Variants in CNTN4 observed in about 807,000 individuals in gnomAD.
CNTN4 encodes the protein contactin 4.
Under a neutral mutation model 122.5 loss-of-function variants are expected in CNTN4, and 77 were observed. The observed-to-expected ratio is 0.63, with a 90% confidence interval of 0.52 to 0.76. The LOEUF (loss-of-function observed/expected upper bound fraction) is 0.76, where lower values mean the gene tolerates loss of function less well. Ranked by LOEUF, CNTN4 falls within the 30% of genes least tolerant of loss-of-function variation. CNTN4 has a pLI of 0.00. For synonymous variants in CNTN4, 512 were observed against 447.0 expected (o/e 1.15, Z -1.83); for missense variants, 1,256 against 1,259.1 (o/e 1.00, Z 0.04).
intron 7 of CNTN4, among the ~76,000 whole-genome samples, chr3:2,835,212 G>A (rs966381875): frequency 2.6e-5 from 4 of 151,824 alleles, no homozygotes; most frequent in Admixed American, 1.3e-4. Flanking sequence ...GCAGATAAAG[G>A]CAATTTTTAT....
At chr3:2,813,552 C>T (rs2092661891) in intron 6 of CNTN4, among the ~76,000 whole-genome samples, 1 of 152,042 alleles carries the variant, frequency 6.6e-6, no homozygotes, top group South Asian at 2.1e-4. Context: ...TTAACCTTTC[C>T]TGGCCATTTT....
At chr3:2,264,432 A>G (rs556065433) in intron 2 of CNTN4, among the ~76,000 whole-genome samples, 75 of 151,924 alleles carry the variant, frequency 4.9e-4, no homozygotes, top group Non-Finnish European at 8.8e-4. Flanking sequence ...AAAAATGTCT[A>G]TTTGGGTCCT....
chr3:2,816,019 T>G (rs556573863), intron 6 of CNTN4, among the ~76,000 whole-genome samples: 1 of 151,886 alleles, frequency 6.6e-6, no homozygotes, highest in South Asian at 2.1e-4. Context: ...ATGTTCTCAC[T>G]GATATGTGGG....
intron 3 of CNTN4, among the ~76,000 whole-genome samples, chr3:2,569,651 C>T (rs2149482204): frequency 6.6e-6 from 1 of 152,026 alleles, no homozygotes; most frequent in African/African-American, 2.4e-5. Context: ...AGGAGTTTTC[C>T]CTTGAAACAA....
chr3:2,286,028 A>T (rs748181970), intron 2 of CNTN4, among the ~76,000 whole-genome samples: 2 of 152,154 alleles, frequency 1.3e-5, no homozygotes, highest in Non-Finnish European at 2.9e-5. Flanking sequence ...TTCCCTTAAG[A>T]AAGTTGTATC....
chr3:2,407,364 GT>G (rs2047075973), intron 3 of CNTN4, among the ~76,000 whole-genome samples: 1 of 152,004 alleles, frequency 6.6e-6, no homozygotes, highest in African/African-American at 2.4e-5. Context: ...ATACTTCTAG[GT>G]TTTTAAAGGA....
intron 2 of CNTN4, among the ~76,000 whole-genome samples, chr3:2,338,295 A>G (rs12630683): frequency 0.34 from 51,541 of 151,854 alleles, 9,719 homozygotes; most frequent in East Asian, 0.8. Context: ...ATTCAGCCAG[A>G]GAAGGCATAC....
intron 14 of CNTN4, among the ~76,000 whole-genome samples, chr3:3,024,570 C>T (rs1326663920): frequency 6.6e-6 from 1 of 151,996 alleles, no homozygotes; most frequent in Non-Finnish European, 1.5e-5. Flanking sequence ...GGACATCACT[C>T]ATTTAACAGT....
chr3:2,677,129 T>TTAGATAGATAGATAGATAGA (rs71621501), intron 4 of CNTN4, among the ~76,000 whole-genome samples: 69 of 143,202 alleles, frequency 4.8e-4, no homozygotes, highest in South Asian at 1.1e-3. Flanking sequence ...GATCACTCTT[T>TTAGATAGATAGATAGATAGA]TAGATAGATA....
chr3:2,624,627 C>CTTTTTTTTT (rs1175851279), intron 4 of CNTN4, among the ~76,000 whole-genome samples: 2 of 89,940 alleles, frequency 2.2e-5, no homozygotes, highest in Admixed American at 1.4e-4. Context: ...ATTTCTGATT[C>CTTTTTTTTT]TTTTTTTTTT....
intron 4 of CNTN4, among the ~76,000 whole-genome samples, chr3:2,693,854 C>T (rs2085872084): frequency 6.6e-6 from 1 of 152,158 alleles, no homozygotes; most frequent in Admixed American, 6.6e-5. Flanking sequence ...TTTCCACTGC[C>T]TTCCACCTTC....
At chr3:2,138,024 C>G (rs868013998) in intron 2 of CNTN4, among the ~76,000 whole-genome samples, 1 of 151,568 alleles carries the variant, frequency 6.6e-6, no homozygotes, top group East Asian at 1.9e-4. Flanking sequence ...GCTCTTTCAG[C>G]TTCTAGCTGG....
intron 14 of CNTN4, among the ~76,000 whole-genome samples, chr3:2,990,073 A>C (rs1184612297): frequency 3.3e-5 from 5 of 152,216 alleles, no homozygotes; most frequent in Admixed American, 1.3e-4. Context: ...TAGCAGTGCC[A>C]GTCTCATGGA....
chr3:3,012,512 T>C (rs139960370), intron 14 of CNTN4, among the ~76,000 whole-genome samples: 1,550 of 152,002 alleles, frequency 0.01, 26 homozygotes, highest in African/African-American at 0.035. Flanking sequence ...TGCAATGGCG[T>C]GATCTCGGCT....
chr3:2,959,900 A>T (rs1216164520), intron 13 of CNTN4, among the ~76,000 whole-genome samples: 1 of 152,228 alleles, frequency 6.6e-6, no homozygotes, highest in African/African-American at 2.4e-5. Context: ...AACTTCAATG[A>T]AAACATTTCA....
intron 4 of CNTN4, among the ~76,000 whole-genome samples, chr3:2,716,307 CATT>C (rs373702816): frequency 2.2e-3 from 337 of 151,360 alleles, no homozygotes; most frequent in African/African-American, 7.4e-3. Flanking sequence ...TATCATATAT[CATT>C]ATTGTATATT....
intron 2 of CNTN4, among the ~76,000 whole-genome samples, chr3:2,207,863 C>T (rs1205345472): frequency 1.3e-5 from 2 of 152,086 alleles, no homozygotes; most frequent in Non-Finnish European, 2.9e-5. Context: ...GACAGGCTGA[C>T]TCTCTTGTTA....
At chr3:2,151,951 A>G (rs1461190528) in intron 2 of CNTN4, among the ~76,000 whole-genome samples, 4 of 152,226 alleles carry the variant, frequency 2.6e-5, no homozygotes, top group Non-Finnish European at 5.9e-5. Flanking sequence ...GTTAACAGCA[A>G]CAGGCTAAGA....
rs538976647 is a variant in CNTN4 at position 2,498,482 on chromosome 3, G to A, written c.-88-72934G>A. 7.4e-5 allele frequency among the ~76,000 whole-genome samples: 11 copies of A among 147,674 alleles called. No individual in the cohort carries two copies. The South Asian group carries it at 1.1e-3, about 15-fold the overall frequency. On this transcript the variant is annotated intron_variant, in intron 3 of 24. Coordinates refer to ENST00000418658, the MANE Select transcript of CNTN4 (RefSeq NM_175607.3). ...TTTAGCCATTCTTTTTGTTGTTGTC[G>A]TTGTTGTTGTTGGAGACAGGATCTC...
Sources: allele counts gnomAD v4.1 joint callset (sites outside exome capture counted in the v4.1 genomes callset), GRCh38; gene constraint gnomAD v4.1.1; transcripts MANE v1.5; gene names NCBI Gene and HGNC (gene_info 2026-07-23, HGNC 2026-07-21).